Variants in PTPRC observed in about 807,000 individuals in gnomAD.
PTPRC encodes the protein receptor-type tyrosine-protein phosphatase C.
PTPRC carries 44 observed loss-of-function variants against 155.9 expected under a neutral mutation model. That is an observed-to-expected ratio of 0.28 (90% confidence interval 0.22 to 0.36). PTPRC has a LOEUF of 0.36. Among genes scored for constraint, PTPRC ranks in the 10% least tolerant of loss-of-function variants. The pLI is 1.00. For missense variants in PTPRC, 1,401 were observed against 1,564.6 expected (o/e 0.90, Z 1.76); for synonymous variants, 525 against 533.1 (o/e 0.98, Z 0.21).
chr1:198,743,776 T>G (rs897226237), intron 25 of PTPRC, among the ~76,000 whole-genome samples: 2 of 151,894 alleles, frequency 1.3e-5, no homozygotes, highest in Admixed American at 6.6e-5. Flanking sequence ...TGTTCTTTAG[T>G]TTTTAGGAAT....
intron 9 of PTPRC, 73 bp downstream of exon 9, chr1:198,707,025 T>C: frequency 5.7e-6 from 7 of 1,236,818 alleles, no homozygotes; most frequent in Non-Finnish European, 8.2e-6. Context: ...TCTCCAGTGG[T>C]CACAGGAGCT....
intron 2 of PTPRC, among the ~76,000 whole-genome samples, chr1:198,642,657 C>G (rs1662661247): frequency 6.6e-6 from 1 of 151,926 alleles, no homozygotes; most frequent in Admixed American, 6.6e-5. Context: ...TTGCCATCAT[C>G]TTAATTCATG....
intron 3 of PTPRC, among the ~76,000 whole-genome samples, chr1:198,695,768 T>C (rs1442561831): frequency 3.3e-5 from 5 of 152,244 alleles, no homozygotes; most frequent in Non-Finnish European, 7.3e-5. Context: ...AAGACATTTT[T>C]GTAGACTTTG....
chr1:198,651,416 A>T (rs1170744331), intron 2 of PTPRC, among the ~76,000 whole-genome samples: 3 of 151,702 alleles, frequency 2.0e-5, no homozygotes, highest in Non-Finnish European at 4.4e-5. Context: ...TGTGGCAGAT[A>T]TTAGGTAGAA....
chr1:198,732,492 G>T lies in PTPRC; in HGVS notation c.2078G>T (p.Arg693Leu), dbSNP rs781335157. The T allele has an allele frequency of 3.1e-6, 5 of 1,610,424 alleles. No individual in the cohort carries two copies. Among genetic ancestry groups the T allele is most frequent in the African/African-American group, 1.3e-5 (1 of 74,816 alleles). Residue 693 changes from arginine to leucine, a missense_variant, in exon 20 of 33, where the codon CGT (arginine) becomes CTT (leucine). By Grantham distance (102) the Arg-to-Leu change is moderately radical (BLOSUM62 -2). Transcript: ENST00000442510. ...YVDILPYDYN[R>L]VELSEINGDA... is the part of the protein sequence containing the mutation. Reference sequence around the variant, plus strand: ...TTTCCTTAAACAGATGATTATAACCGTGTTGAACTCTCTGAGATAAACGGA... The same window carrying T: ...TTTCCTTAAACAGATGATTATAACCTTGTTGAACTCTCTGAGATAAACGGA...
At chr1:198,658,369 CTGAG>C (rs1167568672) in intron 2 of PTPRC, among the ~76,000 whole-genome samples, 1 of 151,958 alleles carries the variant, frequency 6.6e-6, no homozygotes, top group African/African-American at 2.4e-5. Context: ...AATATTGAGC[CTGAG>C]TATTATTTTA....
chr1:198,740,357 C>G (rs1326897965), intron 23 of PTPRC, among the ~76,000 whole-genome samples: 1 of 151,760 alleles, frequency 6.6e-6, no homozygotes, highest in Non-Finnish European at 1.5e-5. Context: ...TCGGGTGTAT[C>G]ATTTGAGGTC....
chr1:198,641,779 G>C (rs963181828), intron 2 of PTPRC, among the ~76,000 whole-genome samples: 1 of 152,002 alleles, frequency 6.6e-6, no homozygotes, highest in Non-Finnish European at 1.5e-5. Flanking sequence ...GAGTATATGA[G>C]TTATGGTATG....
chr1:198,756,681 A>T lies in PTPRC; in HGVS notation c.*500A>T, dbSNP rs1033222381. 1 of 161,648 alleles carries T rather than the reference A, an allele frequency of 6.2e-6. No individual in the cohort carries two copies. The highest frequency in any genetic ancestry group is 2.4e-5 in the African/African-American group (1 of 41,440). The allele number at this position is 161,648 out of a possible 1,614,324, so 10.0% of individuals were successfully genotyped here. A position where few individuals can be genotyped will look rare whatever the true frequency, so the allele number is the denominator to read the frequency against. On this transcript the variant is annotated 3_prime_UTR_variant, in exon 33 of 33. Transcript: ENST00000442510. Reference sequence around the variant, plus strand: ...GATGTCCTCCTTGTTCTACTCATATATATCTATCTTATATAGTTTACTATT... The same window carrying T: ...GATGTCCTCCTTGTTCTACTCATATTTATCTATCTTATATAGTTTACTATT...
chr1:198,688,728 T>G (rs182763586), intron 2 of PTPRC, among the ~76,000 whole-genome samples: 1 of 152,336 alleles, frequency 6.6e-6, no homozygotes. Context: ...AGATGCATTT[T>G]TACTTAGCTC....
chr1:198,748,253 A>G, intron 27 of PTPRC, 54 bp downstream of exon 27: 2 of 1,548,040 alleles, frequency 1.3e-6, no homozygotes, highest in Non-Finnish European at 1.7e-6. Flanking sequence ...GCTCTTTTGG[A>G]TTTGTTTAAT....
rs1558041079 is a variant in PTPRC, at chr1:198,752,780, G to A, written c.3509+8G>A. The A allele has an allele frequency of 6.2e-7, 1 of 1,611,018 alleles. No homozygotes were observed. The highest frequency in any genetic ancestry group is 8.5e-7 in the Non-Finnish European group (1 of 1,178,232). ...TCTACTCATTCACTGCAGGTGCGTG[G>A]GATTTGGTAGAATGTGCTCTCAAAA... is the stretch of plus-strand genomic sequence containing the variant. On this transcript the variant is annotated splice_region_variant and intron_variant, in intron 31 of 32. Coordinates refer to ENST00000442510, the MANE Select transcript of PTPRC (RefSeq NM_002838.5).
intron 2 of PTPRC, among the ~76,000 whole-genome samples, chr1:198,640,307 A>T (rs1662505997): frequency 6.6e-6 from 1 of 152,040 alleles, no homozygotes; most frequent in Non-Finnish European, 1.5e-5. Context: ...TCCAAAAAGT[A>T]TAAAAAGTAT....
rs747055380 is a variant in PTPRC, at chr1:198,699,597, C to G, written c.332C>G (p.Thr111Arg). Residue 111 changes from threonine to arginine, a missense_variant, in exon 5 of 33, where the codon ACG (threonine) becomes AGG (arginine). Physicochemically the swap from Thr to Arg is moderately conservative, Grantham distance 71 (BLOSUM62 -1). Around this residue, in one of 3 missense-constraint regions of PTPRC, gnomAD observed 867 missense variants for 970.4 expected, o/e 0.89. Coordinates refer to ENST00000442510, the MANE Select transcript of PTPRC (RefSeq NM_002838.5). ...VSSVQTPHLP[T>R]HADSQTPSAG... is the part of the protein sequence containing the mutation. ...TCAGTACAGACGCCTCACCTTCCCA[C>G]GCACGCAGACTCGCAGACGCCCTCT... is the stretch of plus-strand genomic sequence containing the variant. The G allele has an allele frequency of 6.2e-7, 1 of 1,614,224 alleles. No homozygotes were observed. The highest frequency in any genetic ancestry group is 8.5e-7 in the Non-Finnish European group (1 of 1,180,036).
chr1:198,662,737 A>T (rs1664048706), intron 2 of PTPRC, among the ~76,000 whole-genome samples: 1 of 152,124 alleles, frequency 6.6e-6, no homozygotes. Context: ...CCTTTCCTAA[A>T]ATAGTTTTAC....
rs10753834 is a variant in PTPRC, at chr1:198,709,964, G to A, written c.1171+140G>A. On this transcript the variant is annotated intron_variant, in intron 11 of 32. Coordinates refer to ENST00000442510, the MANE Select transcript of PTPRC (RefSeq NM_002838.5). ...CATATGCTTTTTATTTCAATGAAGCGCAATTTATCTATTTTTACTTCTTTT... is the reference window on the plus strand; with the variant it reads ...CATATGCTTTTTATTTCAATGAAGCACAATTTATCTATTTTTACTTCTTTT... 0.11 allele frequency: 123,952 copies of A among 1,151,362 alleles called. 8,037 individuals are homozygous for A. The highest frequency in any genetic ancestry group is 0.13 in the Non-Finnish European group (105,969 of 820,128). 71.3% of individuals were successfully genotyped at this position (1,151,362 alleles called of 1,614,324 possible). A position where few individuals can be genotyped will look rare whatever the true frequency, so the allele number is the denominator to read the frequency against.
intron 4 of PTPRC, among the ~76,000 whole-genome samples, chr1:198,697,680 C>CT (rs1374609747): frequency 6.6e-6 from 1 of 152,154 alleles, no homozygotes; most frequent in African/African-American, 2.4e-5. Flanking sequence ...GTTATGTTGA[C>CT]TTTTTTGTGG....
At chr1:198,653,533 A>G (rs1226829196) in intron 2 of PTPRC, among the ~76,000 whole-genome samples, 4 of 151,962 alleles carry the variant, frequency 2.6e-5, no homozygotes, top group South Asian at 2.1e-4. Flanking sequence ...ATGAACTCCT[A>G]TTCTGTAATT....
intron 11 of PTPRC, 27 bp downstream of exon 11, chr1:198,709,851 T>TA (rs1291864728): frequency 7.5e-6 from 12 of 1,605,984 alleles, no homozygotes; most frequent in Non-Finnish European, 1.0e-5. Flanking sequence ...CATTTATATG[T>TA]AAAATTGCTT....
Sources: allele counts gnomAD v4.1 joint callset (sites outside exome capture counted in the v4.1 genomes callset), GRCh38; gene constraint gnomAD v4.1.1; regional missense constraint gnomAD v4.1.1; transcripts MANE v1.5; gene names NCBI Gene and HGNC (gene_info 2026-07-23, HGNC 2026-07-21).